Variants in H6PD observed in about 807,000 individuals in gnomAD.
H6PD encodes GDH/6PGL endoplasmic bifunctional protein.
In H6PD, 48 loss-of-function variants were observed where a neutral mutation model predicts 61.2. That is an observed-to-expected ratio of 0.78 (90% CI 0.62 to 1.00). The LOEUF is 1.00. H6PD is among the 50% of genes least tolerant of loss of function. H6PD has a pLI of 0.00. For synonymous variants in H6PD, 480 were observed against 457.9 expected (o/e 1.05, Z -0.62); for missense variants, 1,093 against 1,065.0 (o/e 1.03, Z -0.37).
Position 9,246,959 on chromosome 1 carries a change from C to G in H6PD, c.628-7C>G, listed in dbSNP as rs199892963. 2,277 of 1,600,510 alleles carry G rather than the reference C, an allele frequency of 1.4e-3. 6 individuals are homozygous for G. The highest frequency in any genetic ancestry group is 5.2e-3 in the Admixed American group (314 of 60,004). The stretch of plus-strand genomic sequence containing the variant: ...CTGCAGCACGCCCAGTCTTCCCCCC[C>G]CGACAGGCTGTGGCGCAGATCCTGC... On this transcript the variant is annotated splice_region_variant and splice_polypyrimidine_tract_variant and intron_variant, in intron 2 of 4. Coordinates refer to ENST00000377403, the MANE Select transcript of H6PD (RefSeq NM_004285.4).
intron 3 of H6PD, among the ~76,000 whole-genome samples, chr1:9,251,221 A>G (rs1641351641): frequency 6.6e-6 from 1 of 152,116 alleles, no homozygotes; most frequent in African/African-American, 2.4e-5. Flanking sequence ...CATGTGATTA[A>G]TGGGCTGTGT....
At chr1:9,242,786 G>A in intron 1 of H6PD, 1 of 985,494 alleles carries the variant, frequency 1.0e-6, no homozygotes, top group Non-Finnish European at 1.2e-6. Flanking sequence ...CAGCCTGCCA[G>A]CTGGCGGCTC....
Position 9,264,264 on chromosome 1 carries a change from G to A in H6PD, c.1771G>A (p.Gly591Arg), listed in dbSNP as rs772399015. 2 of 1,609,886 alleles carry A rather than the reference G, an allele frequency of 1.2e-6. No individual in the cohort carries two copies. Among genetic ancestry groups the A allele is most frequent in the Non-Finnish European group, 1.7e-6 (2 of 1,179,338 alleles). ...TGGCCAGTTCCACCTGGCACTGTCG[G>A]GGGGCTCGAGCCCCGTGGCCCTGTT... ...RFGQFHLALS[G>R]GSSPVALFQQ... The change falls in exon 5 of 5, where the codon GGG becomes AGG. Residue 591 changes from glycine (G) to arginine (R), a missense_variant. Gly to Arg is a moderately radical substitution (Grantham distance 125). Transcript: ENST00000377403.
intron 3 of H6PD, among the ~76,000 whole-genome samples, chr1:9,259,035 A>G (rs1641624831): frequency 6.6e-6 from 1 of 152,144 alleles, no homozygotes; most frequent in Non-Finnish European, 1.5e-5. Flanking sequence ...TCTGTCGCCC[A>G]GGCTGGAGTG....
Position 9,245,629 on chromosome 1 carries a change from C to G in H6PD, c.627+68C>G. ...GCGCTGGTAGACCCCAGCAACAAAG[C>G]CGCTCGCTCATTGTGGAGCTAGGCC... On this transcript the variant is annotated intron_variant, in intron 2 of 4. Transcript: ENST00000377403. This position sits in a 1 kb window ranked among gnomAD's most constrained non-coding sequence, Gnocchi z 4.8. The G allele has an allele frequency of 6.7e-7, 1 of 1,483,028 alleles. No individual in the cohort carries two copies. Among genetic ancestry groups the G allele is most frequent in the Non-Finnish European group, 9.4e-7 (1 of 1,064,892 alleles). 91.9% of individuals were successfully genotyped at this position (1,483,028 alleles called of 1,614,324 possible).
At chr1:9,238,515 A>G (rs1262431055) in intron 1 of H6PD, among the ~76,000 whole-genome samples, 1 of 152,188 alleles carries the variant, frequency 6.6e-6, no homozygotes, top group Non-Finnish European at 1.5e-5. Flanking sequence ...AAGCAGTTGT[A>G]TTCTAGATAA....
chr1:9,245,368 C>T lies in H6PD; in HGVS notation c.434C>T (p.Pro145Leu). ...GGCAGGATCTTCTACTTCTCAGTGC[C>T]ACCCTTCGCCTATGAAGACATTGCC... is the stretch of plus-strand genomic sequence containing the variant. The part of the protein sequence containing the change: ...EAGRIFYFSV[P>L]PFAYEDIARN... The change falls in exon 2 of 5, where the codon CCA becomes CTA. Residue 145 changes from proline to leucine, a missense_variant. Coordinates refer to ENST00000377403, the MANE Select transcript of H6PD (RefSeq NM_004285.4). This position sits in a 1 kb window ranked among gnomAD's most constrained non-coding sequence, Gnocchi z 4.8. 1.2e-6 allele frequency: 2 copies of T among 1,614,148 alleles called. No individual in the cohort carries two copies. Among genetic ancestry groups the T allele is most frequent in the Non-Finnish European group, 1.7e-6 (2 of 1,179,988 alleles).
In H6PD at chr1:9,246,930, T is replaced by C. The variant is rs199628063; in HGVS notation, c.628-36T>C. On this transcript the variant is annotated intron_variant, in intron 2 of 4. Coordinates refer to ENST00000377403, the MANE Select transcript of H6PD (RefSeq NM_004285.4). Reference sequence around the variant, plus strand: ...CAGGGTTCCTCCTTCATCGTGAGAGTATCCTGCAGCACGCCCAGTCTTCCC... The same window carrying C: ...CAGGGTTCCTCCTTCATCGTGAGAGCATCCTGCAGCACGCCCAGTCTTCCC... The C allele has an allele frequency of 3.9e-5, 55 of 1,415,500 alleles. No individual in the cohort carries two copies. In the East Asian group the frequency reaches 1.3e-3, roughly 32 times the overall value. The allele number at this position is 1,415,500 out of a possible 1,614,324, so 87.7% of individuals were successfully genotyped here.
chr1:9,251,184 C>T (rs978829255), intron 3 of H6PD, among the ~76,000 whole-genome samples: 6 of 152,290 alleles, frequency 3.9e-5, no homozygotes, highest in African/African-American at 1.4e-4. Context: ...ATCATGGCAT[C>T]GGGAGGGCTC....
In H6PD at chr1:9,264,434, C is replaced by T; in HGVS notation, c.1941C>T (p.Pro647=). The change falls in exon 5 of 5, where the codon CCC becomes CCT. Residue 647 remains proline, a synonymous_variant. Transcript: ENST00000377403. The part of the protein sequence containing the change: ...QAHLLQHVRI[P]YYNIHPMPVH... Reference sequence around the variant, plus strand: ...ACCTGCTGCAGCACGTCCGGATCCCCTACTACAACATCCACCCCATGCCTG... The same window carrying T: ...ACCTGCTGCAGCACGTCCGGATCCCTTACTACAACATCCACCCCATGCCTG... The T allele has an allele frequency of 6.2e-7, 1 of 1,613,252 alleles. No homozygotes were observed. Among genetic ancestry groups the T allele is most frequent in the Non-Finnish European group, 8.5e-7 (1 of 1,179,956 alleles).
In H6PD at chr1:9,264,138, A is replaced by G; in HGVS notation, c.1645A>G (p.Lys549Glu). 6.2e-7 allele frequency: 1 copy of G among 1,613,672 alleles called. No homozygotes were observed. Among genetic ancestry groups the G allele is most frequent in the Non-Finnish European group, 8.5e-7 (1 of 1,179,792 alleles). ...CAGTGACTTCCAGGTCCTCAGGGCCAAGTACCGAGAGAGCCCGCTGGTCTC... is the reference window on the plus strand; with the variant it reads ...CAGTGACTTCCAGGTCCTCAGGGCCGAGTACCGAGAGAGCCCGCTGGTCTC... ...MPSDFQVLRA[K>E]YRESPLVSAW... Residue 549 changes from lysine to glutamate, a missense_variant, in exon 5 of 5, where the codon AAG (lysine) becomes GAG (glutamate). Coordinates refer to ENST00000377403, the MANE Select transcript of H6PD (RefSeq NM_004285.4).
At chr1:9,252,455 A>G (rs1641397492) in intron 3 of H6PD, among the ~76,000 whole-genome samples, 1 of 152,038 alleles carries the variant, frequency 6.6e-6, no homozygotes, top group African/African-American at 2.4e-5. Flanking sequence ...GCTGGTCTTG[A>G]ACGCCTGGTC....
chr1:9,263,836 C>A lies in H6PD; in HGVS notation c.1343C>A (p.Ala448Asp). The change falls in exon 5 of 5, where the codon GCC becomes GAC. Residue 448 changes from alanine (A) to aspartate (D), a missense_variant. Coordinates refer to ENST00000377403, the MANE Select transcript of H6PD (RefSeq NM_004285.4). ...LFGSPLSDYY[A>D]YSPVRERDAH... ...GGCAGCCCTCTGTCCGATTACTACG[C>A]CTACAGCCCTGTGCGGGAGCGGGAC... is the stretch of plus-strand genomic sequence containing the variant. 1.2e-6 allele frequency: 2 copies of A among 1,613,964 alleles called. No homozygotes were observed. The highest frequency in any genetic ancestry group is 2.2e-5 in the South Asian group (2 of 91,086).
At chr1:9,247,313 C>A (rs898509996) in intron 3 of H6PD, among the ~76,000 whole-genome samples, 2 of 152,208 alleles carry the variant, frequency 1.3e-5, no homozygotes, top group African/African-American at 4.8e-5. Context: ...AGGCCTGGCA[C>A]AGAGGCGGGA....
chr1:9,242,049 G>A (rs1319133972), intron 1 of H6PD, among the ~76,000 whole-genome samples: 1 of 152,140 alleles, frequency 6.6e-6, no homozygotes, highest in East Asian at 1.9e-4. Flanking sequence ...AGACTGTTTC[G>A]AAACACCTGT....
intron 3 of H6PD, among the ~76,000 whole-genome samples, chr1:9,248,176 GC>G (rs796516940): frequency 3.9e-5 from 6 of 152,146 alleles, no homozygotes; most frequent in African/African-American, 9.6e-5. Context: ...CGAGGCCACT[GC>G]CCCCCCAGCC....
intron 2 of H6PD, among the ~76,000 whole-genome samples, chr1:9,246,759 A>G (rs1296586918): frequency 6.6e-6 from 1 of 152,188 alleles, no homozygotes; most frequent in Non-Finnish European, 1.5e-5. Flanking sequence ...TCTTGGCAAA[A>G]TACAAATCTG....
chr1:9,259,138 C>T (rs1397094938), intron 3 of H6PD, among the ~76,000 whole-genome samples: 1 of 152,224 alleles, frequency 6.6e-6, no homozygotes, highest in African/African-American at 2.4e-5. Flanking sequence ...ACTACAGGCG[C>T]CCGCCACCAC....
At chr1:9,259,622 A>G (rs1425896549) in intron 3 of H6PD, among the ~76,000 whole-genome samples, 1 of 151,514 alleles carries the variant, frequency 6.6e-6, no homozygotes. Context: ...CAATGGTGTT[A>G]TATTGCTGTT....
Sources: allele counts gnomAD v4.1 joint callset (sites outside exome capture counted in the v4.1 genomes callset), GRCh38; gene constraint gnomAD v4.1.1; non-coding constraint Gnocchi (gnomAD v3.1); transcripts MANE v1.5; gene names NCBI Gene and HGNC (gene_info 2026-07-23, HGNC 2026-07-21).